The following DCAF8 variants were observed in gnomAD, a reference collection of about 807,000 sequenced individuals.
DCAF8 encodes the protein DDB1 and CUL4 associated factor 8, also known as DDB1- and CUL4-associated factor 8.
Under a neutral mutation model 68.0 loss-of-function variants are expected in DCAF8, and 20 were observed. That is an observed-to-expected ratio of 0.29 (90% CI 0.21 to 0.43). The LOEUF (loss-of-function observed/expected upper bound fraction) is 0.43, where lower values mean the gene tolerates loss of function less well. Among genes scored for constraint, DCAF8 ranks in the 20% least tolerant of loss-of-function variants. DCAF8 has a pLI of 1.00. For missense variants in DCAF8, 460 were observed against 771.0 expected, an observed-to-expected ratio of 0.60 and a Z score of 4.78; for synonymous variants, 230 against 276.9, an observed-to-expected ratio of 0.83 and a Z score of 1.68.
intron 7 of DCAF8, among the ~76,000 whole-genome samples, chr1:160,227,187 G>C (rs928125529): frequency 6.6e-6 from 1 of 152,208 alleles, no homozygotes; most frequent in Non-Finnish European, 1.5e-5. Context: ...AGCATTTAAT[G>C]GGTGGAGAAA....
chr1:160,224,957 G>C, intron 9 of DCAF8, 105 bp downstream of exon 9: 1 of 1,078,522 alleles, frequency 9.3e-7, no homozygotes, highest in Non-Finnish European at 1.4e-6. Context: ...TCTACTTGGA[G>C]CTATAGCACA....
At chr1:160,249,440 C>T (rs1267766418) in intron 2 of DCAF8, among the ~76,000 whole-genome samples, 4 of 152,146 alleles carry the variant, frequency 2.6e-5, no homozygotes, top group Non-Finnish European at 5.9e-5. Context: ...AGCAATTTGG[C>T]AGTTTCTTAT....
Position 160,218,365 on chromosome 1 carries a change from A to G in DCAF8, c.1636T>C (p.Trp546Arg). The G allele has an allele frequency of 6.2e-7, 1 of 1,614,196 alleles. No individual in the cohort carries two copies. The highest frequency in any genetic ancestry group is 8.5e-7 in the Non-Finnish European group (1 of 1,180,016). Residue 546 changes from tryptophan to arginine, a missense_variant, in exon 13 of 14, where the codon TGG (tryptophan) becomes CGG (arginine). Around this residue, in one of 8 missense-constraint regions of DCAF8, gnomAD observed 80 missense variants for 115.1 expected, o/e 0.70. Coordinates refer to ENST00000368074, the MANE Select transcript of DCAF8 (RefSeq NM_015726.4). ...TGTCTCAGGTGATGCATAAGGAACC[A>G]CAGCATGTGACTATCAAACAGGTCA... ...QTDLFDSHML[W>R]FLMHHLRQRR...
chr1:160,257,882 C>G (rs1656901052), intron 2 of DCAF8, among the ~76,000 whole-genome samples: 1 of 152,166 alleles, frequency 6.6e-6, no homozygotes, highest in Non-Finnish European at 1.5e-5. Flanking sequence ...AAGTACTTGC[C>G]CCATGCTTGG....
rs966919946 is a variant in DCAF8 at position 160,216,934 on chromosome 1, G to A, written c.*658C>T. 6.6e-6 allele frequency: 1 copy of A among 152,542 alleles called. No individual in the cohort carries two copies. The highest frequency in any genetic ancestry group is 6.5e-5 in the Admixed American group (1 of 15,276). The allele number at this position is 152,542 out of a possible 1,614,324, so 9.4% of individuals were successfully genotyped here. On this transcript the variant is annotated 3_prime_UTR_variant, in exon 14 of 14. Coordinates refer to ENST00000368074, the MANE Select transcript of DCAF8 (RefSeq NM_015726.4). ...CTCCCTCACCTGACCTATTTAGGGG[G>A]TGATGGGATGAAGAGAAGAGAGTGA... is the stretch of plus-strand genomic sequence containing the variant.
At chr1:160,253,780 G>C (rs969689850) in intron 2 of DCAF8, among the ~76,000 whole-genome samples, 2 of 151,690 alleles carry the variant, frequency 1.3e-5, no homozygotes, top group Non-Finnish European at 2.9e-5. Context: ...GAACTGTGAT[G>C]GGGTCACTGC....
intron 12 of DCAF8, 105 bp downstream of exon 12, chr1:160,218,744 G>A (rs1655204364): frequency 2.0e-6 from 3 of 1,518,458 alleles, no homozygotes; most frequent in Non-Finnish European, 1.8e-6. Context: ...TGTTAGAGCA[G>A]TGCCTTTAAA....
intron 5 of DCAF8, among the ~76,000 whole-genome samples, chr1:160,237,593 C>T (rs746479342): frequency 6.6e-6 from 1 of 152,176 alleles, no homozygotes; most frequent in Non-Finnish European, 1.5e-5. Context: ...GTGGCATGAT[C>T]ATGGCTCACT....
intron 6 of DCAF8, among the ~76,000 whole-genome samples, chr1:160,235,470 T>C (rs934456377): frequency 6.6e-6 from 1 of 151,900 alleles, no homozygotes; most frequent in Non-Finnish European, 1.5e-5. Context: ...ACGATCTAGA[T>C]ATCTATCAAT....
chr1:160,217,468 T>G lies in DCAF8; in HGVS notation c.*124A>C, dbSNP rs1655157933. 3 of 658,910 alleles carry G rather than the reference T, an allele frequency of 4.6e-6. No homozygotes were observed. In the African/African-American group the frequency reaches 5.4e-5, roughly 12 times the overall value. 40.8% of individuals were successfully genotyped at this position (658,910 alleles called of 1,614,324 possible). On this transcript the variant is annotated 3_prime_UTR_variant, in exon 14 of 14. Coordinates refer to ENST00000368074, the MANE Select transcript of DCAF8 (RefSeq NM_015726.4). ...GGTTTGTCCTTCTCCTGGGATGTCTTTCTTTTATCTAAAGCAAAAAGTCCA... is the reference window on the plus strand; with the variant it reads ...GGTTTGTCCTTCTCCTGGGATGTCTGTCTTTTATCTAAAGCAAAAAGTCCA...
chr1:160,252,301 T>C (rs538063046), intron 2 of DCAF8, among the ~76,000 whole-genome samples: 49 of 152,332 alleles, frequency 3.2e-4, no homozygotes, highest in Admixed American at 1.2e-3. Context: ...ATAAATAGAA[T>C]GCTGTTGTGG....
At chr1:160,246,710 G>A (rs1201102464) in intron 2 of DCAF8, among the ~76,000 whole-genome samples, 1 of 152,130 alleles carries the variant, frequency 6.6e-6, no homozygotes, top group Non-Finnish European at 1.5e-5. Flanking sequence ...AGCCAGGCAC[G>A]GCAGCTCACG....
At chr1:160,243,277 AAGG>A (rs1378180190) in intron 3 of DCAF8, among the ~76,000 whole-genome samples, 2 of 152,068 alleles carry the variant, frequency 1.3e-5, no homozygotes, top group East Asian at 3.8e-4. Flanking sequence ...TCCTGAAAAG[AAGG>A]AGGAGGGAAA....
In DCAF8 at chr1:160,244,021, T is replaced by C. The variant is rs769173243; in HGVS notation, c.-13A>G. ...CTTTGCTGGACATCTTGAATGATGT[T>C]TGCTGTAGCCAGCCTGGGTTTGGGA... On this transcript the variant is annotated 5_prime_UTR_variant, in exon 3 of 14. Coordinates refer to ENST00000368074, the MANE Select transcript of DCAF8 (RefSeq NM_015726.4). The C allele has an allele frequency of 1.2e-6, 2 of 1,614,156 alleles. No individual in the cohort carries two copies. Among genetic ancestry groups the C allele is most frequent in the Non-Finnish European group, 1.7e-6 (2 of 1,180,008 alleles).
chr1:160,248,586 T>G (rs1050511791), intron 2 of DCAF8, among the ~76,000 whole-genome samples: 2 of 151,256 alleles, frequency 1.3e-5, no homozygotes, highest in Non-Finnish European at 2.9e-5. Context: ...TACAAAAAAA[T>G]TAGGCAGGCA....
At chr1:160,227,921 G>A (rs1023656651) in intron 7 of DCAF8, among the ~76,000 whole-genome samples, 8 of 151,936 alleles carry the variant, frequency 5.3e-5, no homozygotes, top group African/African-American at 1.9e-4. Flanking sequence ...TTGAGACAGG[G>A]TCTCACTCTG....
intron 2 of DCAF8, among the ~76,000 whole-genome samples, chr1:160,260,019 C>A (rs1454734602): frequency 6.6e-6 from 1 of 151,108 alleles, no homozygotes; most frequent in Non-Finnish European, 1.5e-5. Flanking sequence ...AAAATGTGTT[C>A]TAAGGCAAAA....
chr1:160,240,764 C>T (rs1656082040), intron 3 of DCAF8, among the ~76,000 whole-genome samples: 1 of 152,140 alleles, frequency 6.6e-6, no homozygotes, highest in Admixed American at 6.5e-5. Context: ...AAAGAAGAGC[C>T]AACTCCAGCA....
At chr1:160,237,004 C>G in intron 6 of DCAF8, 131 bp downstream of exon 6, 4 of 582,386 alleles carry the variant, frequency 6.9e-6, no homozygotes, top group Non-Finnish European at 1.2e-5. Flanking sequence ...TCCCCTTAAC[C>G]TTAAACTACC....
Sources: allele counts gnomAD v4.1 joint callset (sites outside exome capture counted in the v4.1 genomes callset), GRCh38; gene constraint gnomAD v4.1.1; regional missense constraint gnomAD v4.1.1; transcripts MANE v1.5; gene names NCBI Gene and HGNC (gene_info 2026-07-23, HGNC 2026-07-21).